Variants in WDR25 observed in about 807,000 individuals in gnomAD.
WDR25 encodes WD repeat-containing protein 25.
In WDR25, 35 loss-of-function variants were observed where a neutral mutation model predicts 47.7. The observed-to-expected ratio is 0.73, with a 90% CI of 0.56 to 0.97. The LOEUF is 0.97. Among genes scored for constraint, WDR25 ranks in the 50% least tolerant of loss-of-function variants. The pLI is 0.00. For missense variants in WDR25, 634 were observed against 704.7 expected (o/e 0.90, Z 1.14); for synonymous variants, 248 against 278.9 (o/e 0.89, Z 1.10).
chr14:100,395,619 A>G (rs906674946), intron 2 of WDR25, among the ~76,000 whole-genome samples: 3 of 152,186 alleles, frequency 2.0e-5, no homozygotes, highest in Non-Finnish European at 4.4e-5. Context: ...TAACTGTGGC[A>G]AGGCCTTTAA....
chr14:100,529,176 A>T lies in WDR25; in HGVS notation c.1381A>T (p.Met461Leu), dbSNP rs1377968421. 6 of 1,612,982 alleles carry T rather than the reference A, an allele frequency of 3.7e-6. No homozygotes were observed. Among genetic ancestry groups the T allele is most frequent in the Non-Finnish European group, 5.1e-6 (6 of 1,179,338 alleles). ...TTTCTCCACTGTGTGGCCCTACCGGATGAGCAGACGGCGGCGCTATGAAGG... is the reference window on the plus strand; with the variant it reads ...TTTCTCCACTGTGTGGCCCTACCGGTTGAGCAGACGGCGGCGCTATGAAGG... ...ALFSTVWPYR[M>L]SRRRRYEGHK... Residue 461 changes from methionine (M) to leucine (L), a missense_variant, in exon 6 of 7, where the codon ATG becomes TTG. By Grantham distance (15) the Met-to-Leu change is conservative (BLOSUM62 2). Transcript: ENST00000402312. This position sits in a 1 kb window ranked among gnomAD's most constrained non-coding sequence, Gnocchi z 5.1.
rs1295911554 is a variant in WDR25 at position 100,444,822 on chromosome 14, G to T, written c.823-23199G>T. 2.0e-5 allele frequency among the ~76,000 whole-genome samples: 3 copies of T among 152,238 alleles called. No individual in the cohort carries two copies. The East Asian group carries it at 5.8e-4, about 29-fold the overall frequency. ...CGACACTGCGCTCTCTTGGCAGCAG[G>T]CAGTGAGGGACAGGAGAAGAACCAA... On this transcript the variant is annotated intron_variant, in intron 2 of 6. Coordinates refer to ENST00000402312, the MANE Select transcript of WDR25 (RefSeq NM_001161476.3).
chr14:100,475,052 G>A (rs759570703), intron 3 of WDR25, among the ~76,000 whole-genome samples: 3 of 152,198 alleles, frequency 2.0e-5, no homozygotes, highest in Non-Finnish European at 2.9e-5. Flanking sequence ...CTCAACATCT[G>A]TAATCATGGG....
chr14:100,468,252 C>T lies in WDR25; in HGVS notation c.970+84C>T. The T allele has an allele frequency of 6.6e-7, 1 of 1,524,198 alleles. No homozygotes were observed. Among genetic ancestry groups the T allele is most frequent in the Non-Finnish European group, 8.8e-7 (1 of 1,135,990 alleles). The allele number at this position is 1,524,198 out of a possible 1,614,324, so 94.4% of individuals were successfully genotyped here. A position where few individuals can be genotyped will look rare whatever the true frequency, so the allele number is the denominator to read the frequency against. On this transcript the variant is annotated intron_variant, in intron 3 of 6. Transcript: ENST00000402312. This position sits in a 1 kb window ranked among gnomAD's most constrained non-coding sequence, Gnocchi z 4.5. ...TCTCTGGTGGGCACGCAGCCACAAG[C>T]TGTATACGCTTGCGTGGCAGAGGGA...
chr14:100,453,996 C>A (rs1306078890), intron 2 of WDR25, among the ~76,000 whole-genome samples: 2 of 152,170 alleles, frequency 1.3e-5, no homozygotes, highest in Non-Finnish European at 2.9e-5. Flanking sequence ...CTTCGAGAGA[C>A]CTTGCATCAT....
chr14:100,410,197 A>C (rs1402292678), intron 2 of WDR25, among the ~76,000 whole-genome samples: 1 of 152,144 alleles, frequency 6.6e-6, no homozygotes, highest in Non-Finnish European at 1.5e-5. Context: ...CCCTTCGTCA[A>C]ACACGTCAGT....
intron 2 of WDR25, among the ~76,000 whole-genome samples, chr14:100,465,507 G>A (rs1264233186): frequency 6.6e-6 from 1 of 152,170 alleles, no homozygotes; most frequent in Non-Finnish European, 1.5e-5. Flanking sequence ...ATATCTTCAA[G>A]TTTCATCCAT....
At chr14:100,471,488 G>T (rs141465077) in intron 3 of WDR25, among the ~76,000 whole-genome samples, 1,645 of 152,288 alleles carry the variant, frequency 0.011, 13 homozygotes, top group South Asian at 0.023. Context: ...CTTTCGTCCC[G>T]CTTTGACTTG....
chr14:100,427,153 C>T (rs576633499), intron 2 of WDR25, among the ~76,000 whole-genome samples: 2 of 152,120 alleles, frequency 1.3e-5, no homozygotes, highest in East Asian at 1.9e-4. Context: ...TGTCCTTCAC[C>T]CTGCCTGGCC....
chr14:100,520,042 G>A (rs960594103), intron 4 of WDR25, among the ~76,000 whole-genome samples: 1 of 143,366 alleles, frequency 7.0e-6, no homozygotes, highest in Non-Finnish European at 1.5e-5. Context: ...ATTTGGGCGT[G>A]TACATATATA....
intron 5 of WDR25, 44 bp downstream of exon 5, chr14:100,526,084 G>A: frequency 6.2e-7 from 1 of 1,605,396 alleles, no homozygotes; most frequent in South Asian, 1.1e-5. Context: ...CAGCCACAGA[G>A]CGTATCCATG....
intron 4 of WDR25, among the ~76,000 whole-genome samples, chr14:100,490,823 G>A (rs561107115): frequency 3.3e-5 from 5 of 152,264 alleles, no homozygotes; most frequent in Non-Finnish European, 7.4e-5. Context: ...TAGGCAAGTT[G>A]CTTATTTGCC....
At chr14:100,442,088 T>C (rs572562021) in intron 2 of WDR25, among the ~76,000 whole-genome samples, 4 of 152,280 alleles carry the variant, frequency 2.6e-5, no homozygotes, top group African/African-American at 9.6e-5. Flanking sequence ...AGGGCCAGCT[T>C]TGACTGTGGC....
Position 100,381,422 on chromosome 14 carries a change from GA to G in WDR25, c.504del (p.Lys168AsnfsTer14), listed in dbSNP as rs756025710. 3.7e-6 allele frequency: 6 copies of G among 1,614,168 alleles called. No individual in the cohort carries two copies. The highest frequency in any genetic ancestry group is 5.1e-6 in the Non-Finnish European group (6 of 1,180,028). On this transcript the variant is annotated frameshift_variant, in exon 2 of 7. Transcript: ENST00000402312. LOFTEE classifies it high-confidence loss of function. ...VGKNGSSFQK[K>X]KCEDCVVPYT... ...GTAAAAATGGCAGCTCTTTTCAGAA[GA>G]AAAAATGTGAGGACTGTGTGGTACC... is the stretch of plus-strand genomic sequence containing the variant.
intron 3 of WDR25, among the ~76,000 whole-genome samples, chr14:100,480,467 A>AG (rs1252387482): frequency 2.6e-5 from 4 of 152,214 alleles, no homozygotes; most frequent in Admixed American, 2.0e-4. Flanking sequence ...AGAAGATACT[A>AG]GAAAAAAAAG....
intron 4 of WDR25, among the ~76,000 whole-genome samples, chr14:100,484,571 A>T (rs923314904): frequency 1.3e-5 from 2 of 152,046 alleles, no homozygotes; most frequent in African/African-American, 4.8e-5. Flanking sequence ...AAGACTTCTT[A>T]GAGGAATCAC....
intron 2 of WDR25, among the ~76,000 whole-genome samples, chr14:100,414,238 C>T (rs560903594): frequency 6.6e-5 from 10 of 151,304 alleles, no homozygotes; most frequent in Middle Eastern, 3.4e-3. Context: ...CCTCGTGATC[C>T]GCCTGCCTTG....
rs148334861 is a variant in WDR25, at chr14:100,471,487, C to T, written c.970+3319C>T. ...TCTGCAGGCCCTGTGGCTTTCGTCC[C>T]GCTTTGACTTGTCTTGTCCTTTCTC... On this transcript the variant is annotated intron_variant, in intron 3 of 6. Coordinates refer to ENST00000402312, the MANE Select transcript of WDR25 (RefSeq NM_001161476.3). 8.6e-3 allele frequency among the ~76,000 whole-genome samples: 1,303 copies of T among 152,328 alleles called. 20 individuals carry two copies. The highest frequency in any genetic ancestry group is 0.03 in the African/African-American group (1,234 of 41,562).
At chr14:100,400,730 T>C (rs146763676) in intron 2 of WDR25, among the ~76,000 whole-genome samples, 206 of 152,348 alleles carry the variant, frequency 1.4e-3, no homozygotes, top group African/African-American at 4.8e-3. Context: ...TCTTTTTGTT[T>C]TCATAATCAC....
Sources: allele counts gnomAD v4.1 joint callset (sites outside exome capture counted in the v4.1 genomes callset), GRCh38; gene constraint gnomAD v4.1.1; non-coding constraint Gnocchi (gnomAD v3.1); transcripts MANE v1.5; gene names NCBI Gene and HGNC (gene_info 2026-07-23, HGNC 2026-07-21).